The following UBE2E2 variants were observed in gnomAD, a reference collection of about 807,000 sequenced individuals.
UBE2E2 encodes ubiquitin conjugating enzyme E2 E2.
UBE2E2 carries 6 observed loss-of-function variants against 24.7 expected under a neutral mutation model. That is an observed-to-expected ratio of 0.24 (90% CI 0.13 to 0.48). The LOEUF is 0.48. Among genes scored for constraint, UBE2E2 ranks in the 20% least tolerant of loss-of-function variants. The pLI is 0.99. For synonymous variants in UBE2E2, 104 were observed against 83.6 expected (o/e 1.24, Z -1.33); for missense variants, 169 against 245.0 (o/e 0.69, Z 2.07).
chr3:23,446,704 T>TG (rs1698438509), intron 3 of UBE2E2, among the ~76,000 whole-genome samples: 1 of 140,830 alleles, frequency 7.1e-6, no homozygotes, highest in African/African-American at 2.8e-5. Flanking sequence ...GTTTGGTTTT[T>TG]TTTTTTTTTT....
At chr3:23,578,014 A>AG (rs1158338916) in intron 5 of UBE2E2, among the ~76,000 whole-genome samples, 2 of 151,908 alleles carry the variant, frequency 1.3e-5, no homozygotes, top group Non-Finnish European at 2.9e-5. Flanking sequence ...TCTCAGAAAA[A>AG]AAAAAAAAAA....
At chr3:23,367,369 A>G (rs946378583) in intron 3 of UBE2E2, among the ~76,000 whole-genome samples, 2 of 152,130 alleles carry the variant, frequency 1.3e-5, no homozygotes, top group African/African-American at 4.8e-5. Flanking sequence ...AAACCAAGGC[A>G]GGATTAGAGG....
chr3:23,365,645 C>T (rs1030990632), intron 3 of UBE2E2, among the ~76,000 whole-genome samples: 1 of 152,154 alleles, frequency 6.6e-6, no homozygotes, highest in African/African-American at 2.4e-5. Context: ...ATTCCATGCC[C>T]ATAGATAGGA....
At chr3:23,338,913 A>G (rs2125308133) in intron 3 of UBE2E2, among the ~76,000 whole-genome samples, 1 of 152,338 alleles carries the variant, frequency 6.6e-6, no homozygotes, top group East Asian at 1.9e-4. Flanking sequence ...GTTTTAGGTG[A>G]GAACAGTTAG....
At chr3:23,251,411 A>G (rs1559456536) in intron 3 of UBE2E2, among the ~76,000 whole-genome samples, 1 of 152,162 alleles carries the variant, frequency 6.6e-6, no homozygotes, top group African/African-American at 2.4e-5. Context: ...CTCTTTGGTG[A>G]TAGTTGGGCT....
intron 3 of UBE2E2, among the ~76,000 whole-genome samples, chr3:23,426,475 GTGA>G (rs1053944100): frequency 4.7e-5 from 7 of 149,426 alleles, no homozygotes; most frequent in African/African-American, 1.5e-4. Flanking sequence ...CAGAAAATCA[GTGA>G]TTAAAAATCT....
chr3:23,272,608 G>A (rs750178876), intron 3 of UBE2E2, among the ~76,000 whole-genome samples: 6 of 152,236 alleles, frequency 3.9e-5, no homozygotes, highest in Non-Finnish European at 8.8e-5. Flanking sequence ...TGCAATGGGA[G>A]TATGGGATGA....
chr3:23,448,432 T>C (rs1575637010), intron 3 of UBE2E2, among the ~76,000 whole-genome samples: 1 of 152,176 alleles, frequency 6.6e-6, no homozygotes. Flanking sequence ...AACTTACCCA[T>C]GTTATGGAGA....
chr3:23,269,266 A>G (rs1041547721), intron 3 of UBE2E2, among the ~76,000 whole-genome samples: 2 of 152,226 alleles, frequency 1.3e-5, no homozygotes, highest in Non-Finnish European at 2.9e-5. Flanking sequence ...TGAACAGGCA[A>G]CCTACAAAAT....
At chr3:23,486,614 G>A (rs1041703429) in intron 3 of UBE2E2, among the ~76,000 whole-genome samples, 36 of 152,178 alleles carry the variant, frequency 2.4e-4, no homozygotes, top group African/African-American at 8.4e-4. Context: ...CCACGTCTGG[G>A]AAGAATGAAG....
At chr3:23,448,002 C>G (rs1698471704) in intron 3 of UBE2E2, among the ~76,000 whole-genome samples, 1 of 152,044 alleles carries the variant, frequency 6.6e-6, no homozygotes, top group African/African-American at 2.4e-5. Flanking sequence ...GACAGTATAG[C>G]AAAGTAAATA....
At chr3:23,204,886 A>G in intron 1 of UBE2E2, 1 of 519,366 alleles carries the variant, frequency 1.9e-6, no homozygotes, top group South Asian at 8.3e-5. Context: ...AGCTTAAATG[A>G]ACACTTGGTT....
intron 3 of UBE2E2, among the ~76,000 whole-genome samples, chr3:23,264,188 T>TA (rs762592874): frequency 6.6e-6 from 1 of 152,284 alleles, no homozygotes; most frequent in Non-Finnish European, 1.5e-5. Context: ...TAGGAAGTCT[T>TA]ACCTTTGCTC....
At chr3:23,557,295 G>C (rs777571825) in intron 5 of UBE2E2, among the ~76,000 whole-genome samples, 5 of 152,152 alleles carry the variant, frequency 3.3e-5, no homozygotes, top group Non-Finnish European at 5.9e-5. Context: ...ATCATTTACT[G>C]TTGCGCATTT....
At chr3:23,284,368 CAGTT>C (rs1266562728) in intron 3 of UBE2E2, among the ~76,000 whole-genome samples, 2 of 152,004 alleles carry the variant, frequency 1.3e-5, no homozygotes, top group Non-Finnish European at 2.9e-5. Flanking sequence ...AATATTTGGA[CAGTT>C]ATCATGAGAG....
In UBE2E2 at chr3:23,407,688, T is replaced by TGTGC. The variant is rs1280113234; in HGVS notation, c.228-91918_228-91917insGCGT. Among the ~76,000 whole-genome samples, 1 of 141,930 alleles carries TGTGC rather than the reference T, an allele frequency of 7.0e-6. No homozygotes were observed. Among genetic ancestry groups the TGTGC allele is most frequent in the Admixed American group, 6.9e-5 (1 of 14,462 alleles). The allele number at this position is 141,930 out of a possible 152,430, so 93.1% of individuals were successfully genotyped here. A position where few individuals can be genotyped will look rare whatever the true frequency, so the allele number is the denominator to read the frequency against. ...GTGTGTGTGTGTGTGTGTGTGTGTG[T>TGTGC]GTAGTATTTCAGAGAAAATCCCAGG... On this transcript the variant is annotated intron_variant, in intron 3 of 5. Coordinates refer to ENST00000396703, the MANE Select transcript of UBE2E2 (RefSeq NM_152653.4). This position sits in a 1 kb window ranked among gnomAD's most constrained non-coding sequence, Gnocchi z 4.0.
intron 3 of UBE2E2, among the ~76,000 whole-genome samples, chr3:23,312,592 A>C (rs529657752): frequency 6.6e-6 from 1 of 150,776 alleles, no homozygotes; most frequent in Non-Finnish European, 1.5e-5. Context: ...TGTTTTGTTG[A>C]TTTTTTATAT....
At chr3:23,369,897 A>G (rs1362548584) in intron 3 of UBE2E2, among the ~76,000 whole-genome samples, 2 of 152,196 alleles carry the variant, frequency 1.3e-5, no homozygotes, top group Non-Finnish European at 2.9e-5. Flanking sequence ...ACAAGTTTTT[A>G]TAGAGGAAAT....
At chr3:23,288,814 T>C (rs1698685763) in intron 3 of UBE2E2, among the ~76,000 whole-genome samples, 1 of 152,038 alleles carries the variant, frequency 6.6e-6, no homozygotes, top group Non-Finnish European at 1.5e-5. Context: ...TCATAACGTC[T>C]AGAAATATTT....
Sources: allele counts gnomAD v4.1 joint callset (sites outside exome capture counted in the v4.1 genomes callset), GRCh38; gene constraint gnomAD v4.1.1; non-coding constraint Gnocchi (gnomAD v3.1); transcripts MANE v1.5; gene names NCBI Gene and HGNC (gene_info 2026-07-23, HGNC 2026-07-21).